The following GALNT14 variants were observed in gnomAD, a reference collection of about 807,000 sequenced individuals.
GALNT14 encodes polypeptide N-acetylgalactosaminyltransferase 14, also known as UDP-GalNAc:polypeptide N-acetylgalactosaminyltransferase 14.
In GALNT14, 60 loss-of-function variants were observed where a neutral mutation model predicts 77.5. The ratio of observed to expected loss-of-function variants is 0.77; its 90% CI spans 0.63 to 0.96. The LOEUF (loss-of-function observed/expected upper bound fraction) is 0.96, where lower values mean the gene tolerates loss of function less well. Among genes scored for constraint, GALNT14 ranks in the 40% least tolerant of loss-of-function variants. The probability of loss-of-function intolerance (pLI) is 0.00; values close to 1 mark genes in which losing one functional copy is unlikely to be tolerated. For missense variants in GALNT14, 710 were observed against 731.0 expected (o/e 0.97, Z 0.33); for synonymous variants, 280 against 281.7 (o/e 0.99, Z 0.06).
intron 1 of GALNT14, among the ~76,000 whole-genome samples, chr2:31,110,641 G>A (rs1159140705): frequency 6.6e-6 from 1 of 152,076 alleles, no homozygotes; most frequent in Non-Finnish European, 1.5e-5. Context: ...AAGAACCAAG[G>A]TTCACACGGC....
intron 1 of GALNT14, among the ~76,000 whole-genome samples, chr2:31,125,871 T>G (rs746552140): frequency 6.6e-6 from 1 of 152,246 alleles, no homozygotes; most frequent in Non-Finnish European, 1.5e-5. Flanking sequence ...GCTGCAGTTT[T>G]TAGCCATTCA....
chr2:31,005,896 G>T (rs997786379), intron 1 of GALNT14, among the ~76,000 whole-genome samples: 1 of 152,232 alleles, frequency 6.6e-6, no homozygotes, highest in African/African-American at 2.4e-5. Flanking sequence ...ATTGAGCTTT[G>T]TGCTAACTTG....
intron 1 of GALNT14, among the ~76,000 whole-genome samples, chr2:31,116,004 G>A (rs140616093): frequency 6.5e-4 from 99 of 152,270 alleles, no homozygotes; most frequent in African/African-American, 2.2e-3. Context: ...CTGGGTGACA[G>A]AGAGACAGAT....
intron 1 of GALNT14, among the ~76,000 whole-genome samples, chr2:31,101,181 A>G (rs1677256918): frequency 6.6e-6 from 1 of 152,076 alleles, no homozygotes; most frequent in Non-Finnish European, 1.5e-5. Flanking sequence ...GTATCTATGA[A>G]GATAATATCT....
intron 1 of GALNT14, among the ~76,000 whole-genome samples, chr2:31,047,597 AC>A (rs1673548287): frequency 6.6e-6 from 1 of 152,158 alleles, no homozygotes. Flanking sequence ...TCCCTTCCAG[AC>A]CCAAAGTCAT....
chr2:30,920,523 G>T (rs916957524), intron 13 of GALNT14, among the ~76,000 whole-genome samples: 1 of 152,110 alleles, frequency 6.6e-6, no homozygotes, highest in African/African-American at 2.4e-5. Flanking sequence ...CCCAGTGTTA[G>T]CAGAAGGGGT....
At chr2:31,087,895 T>C (rs1306108860) in intron 1 of GALNT14, among the ~76,000 whole-genome samples, 1 of 152,140 alleles carries the variant, frequency 6.6e-6, no homozygotes, top group Non-Finnish European at 1.5e-5. Flanking sequence ...CCCTTATGGA[T>C]GGATTAGTGC....
At chr2:31,064,923 TA>T (rs1435538258) in intron 1 of GALNT14, among the ~76,000 whole-genome samples, 5 of 139,928 alleles carry the variant, frequency 3.6e-5, no homozygotes. Context: ...GAAAGAGTGG[TA>T]AAAAAAACTC....
At chr2:31,115,625 T>C (rs1678067007) in intron 1 of GALNT14, among the ~76,000 whole-genome samples, 1 of 152,194 alleles carries the variant, frequency 6.6e-6, no homozygotes, top group South Asian at 2.1e-4. Context: ...CATTTAGTTC[T>C]AGAAGTGTTA....
chr2:31,005,716 G>A (rs920971815), intron 1 of GALNT14, among the ~76,000 whole-genome samples: 3 of 152,196 alleles, frequency 2.0e-5, no homozygotes, highest in African/African-American at 7.2e-5. Context: ...CTGTCCGTCT[G>A]TGAGAATTGG....
intron 1 of GALNT14, among the ~76,000 whole-genome samples, chr2:31,108,399 G>A (rs1261182819): frequency 6.6e-6 from 1 of 152,180 alleles, no homozygotes; most frequent in Non-Finnish European, 1.5e-5. Flanking sequence ...TAGGGAGGCT[G>A]GACACGTCAC....
At chr2:30,979,094 G>A (rs1438152808) in intron 2 of GALNT14, among the ~76,000 whole-genome samples, 4 of 152,228 alleles carry the variant, frequency 2.6e-5, no homozygotes, top group African/African-American at 4.8e-5. Flanking sequence ...TTGGGGTGGT[G>A]ACAGGAGCTG....
At chr2:30,940,193 C>G (rs952564394) in intron 9 of GALNT14, among the ~76,000 whole-genome samples, 2 of 152,214 alleles carry the variant, frequency 1.3e-5, no homozygotes, top group African/African-American at 4.8e-5. Context: ...TCCAACTTCT[C>G]TATTCCAATC....
chr2:30,953,994 G>A (rs1667202533), intron 6 of GALNT14, among the ~76,000 whole-genome samples: 1 of 152,200 alleles, frequency 6.6e-6, no homozygotes, highest in African/African-American at 2.4e-5. Context: ...ATTAGGGGAG[G>A]CAGAGGACTA....
At chr2:30,997,462 C>A (rs73923344) in intron 1 of GALNT14, among the ~76,000 whole-genome samples, 12 of 152,298 alleles carry the variant, frequency 7.9e-5, no homozygotes, top group Non-Finnish European at 1.2e-4. Flanking sequence ...TCCCACACTT[C>A]CCTGGTACAG....
At chr2:31,034,378 T>C (rs530000146) in intron 1 of GALNT14, among the ~76,000 whole-genome samples, 1 of 152,318 alleles carries the variant, frequency 6.6e-6, no homozygotes, top group South Asian at 2.1e-4. Context: ...TTTGTTTCTC[T>C]TTCAGGAGAA....
chr2:31,128,046 A>G (rs915213313), intron 1 of GALNT14, among the ~76,000 whole-genome samples: 5 of 152,166 alleles, frequency 3.3e-5, no homozygotes, highest in Non-Finnish European at 7.3e-5. Context: ...CATGTCACAA[A>G]AACACCACCA....
chr2:30,954,650 C>T (rs181691369), intron 6 of GALNT14, among the ~76,000 whole-genome samples: 65 of 152,298 alleles, frequency 4.3e-4, no homozygotes, highest in Middle Eastern at 3.4e-3. Context: ...TCTGAGCAGA[C>T]GACATAGCTT....
At chr2:31,047,378 C>A (rs1322322657) in intron 1 of GALNT14, among the ~76,000 whole-genome samples, 1 of 152,182 alleles carries the variant, frequency 6.6e-6, no homozygotes, top group Non-Finnish European at 1.5e-5. Flanking sequence ...TAATTCATCC[C>A]AAGCCTCAGA....
Sources: allele counts gnomAD v4.1 joint callset (sites outside exome capture counted in the v4.1 genomes callset), GRCh38; gene constraint gnomAD v4.1.1; transcripts MANE v1.5; gene names NCBI Gene and HGNC (gene_info 2026-07-23, HGNC 2026-07-21).